MYH11: variants seen among roughly 807,000 people sequenced by gnomAD.
The protein encoded by MYH11 is myosin-11.
Under a neutral mutation model 246.6 loss-of-function variants are expected in MYH11, and 80 were observed. The ratio of observed to expected loss-of-function variants is 0.32; its 90% CI spans 0.27 to 0.39. MYH11 has a LOEUF of 0.39. MYH11 is among the 10% of genes least tolerant of loss of function. The probability of loss-of-function intolerance (pLI) is 1.00; values close to 1 mark genes in which losing one functional copy is unlikely to be tolerated. For synonymous variants in MYH11, 1,071 were observed against 1,015.5 expected (o/e 1.05, Z -1.04); for missense variants, 2,158 against 2,546.8 (o/e 0.85, Z 3.29).
Position 15,724,740 on chromosome 16 carries a change from C to T in MYH11, c.4023G>A (p.Leu1341=). ...KLNVSTKLRQ[L]EEERNSLQDQ... ...CTTGCAGGCTGTTCCGCTCCTCCTC[C>T]AGCTGGCGCAGCTTCGTAGACACGT... Residue 1341 remains leucine, a synonymous_variant, in exon 30 of 41, where the codon CTG becomes CTA. Coordinates refer to ENST00000300036, the MANE Select transcript of MYH11 (RefSeq NM_002474.3). 1 of 1,614,200 alleles carries T rather than the reference C, an allele frequency of 6.2e-7. No homozygotes were observed. The highest frequency in any genetic ancestry group is 8.5e-7 in the Non-Finnish European group (1 of 1,180,032).
chr16:15,755,343 C>T (rs1171785583), intron 14 of MYH11, among the ~76,000 whole-genome samples: 1 of 152,166 alleles, frequency 6.6e-6, no homozygotes, highest in East Asian at 1.9e-4. Context: ...ATAGATTTCC[C>T]TGGCCAGAGC....
At chr16:15,732,219 T>A (rs1222045370) in intron 27 of MYH11, among the ~76,000 whole-genome samples, 1 of 152,150 alleles carries the variant, frequency 6.6e-6, no homozygotes, top group Non-Finnish European at 1.5e-5. Context: ...CAGTTTGGCC[T>A]CCCAAAGTGC....
At chr16:15,805,643 G>T (rs1361978631) in intron 3 of MYH11, among the ~76,000 whole-genome samples, 2 of 152,234 alleles carry the variant, frequency 1.3e-5, no homozygotes, top group African/African-American at 4.8e-5. Flanking sequence ...CGGCGGCCAT[G>T]GCTCATGCCT....
chr16:15,740,319 A>C, intron 22 of MYH11, 131 bp from the exon 23 acceptor site: 1 of 1,420,590 alleles, frequency 7.0e-7, no homozygotes, highest in African/African-American at 1.4e-5. Context: ...AAAAGGAAGA[A>C]ATAAAGGCCT....
intron 9 of MYH11, among the ~76,000 whole-genome samples, chr16:15,765,553 C>A (rs1239870717): frequency 6.6e-6 from 1 of 152,120 alleles, no homozygotes; most frequent in Non-Finnish European, 1.5e-5. Context: ...TACAAATCAC[C>A]CAGAGTTCTG....
At chr16:15,731,926 C>G (rs1596747387) in intron 27 of MYH11, among the ~76,000 whole-genome samples, 1 of 151,700 alleles carries the variant, frequency 6.6e-6, no homozygotes, top group Non-Finnish European at 1.5e-5. Context: ...ATAGCTGGGA[C>G]CACAGGAATG....
Position 15,782,373 on chromosome 16 carries a change from T to C in MYH11, c.726+12A>G. ...AGCTTTTCTGGAAAATCCATGTGGCTTTGCTACTTACGAATCGTGAGGAGT... is the reference window on the plus strand; with the variant it reads ...AGCTTTTCTGGAAAATCCATGTGGCCTTGCTACTTACGAATCGTGAGGAGT... On this transcript the variant is annotated intron_variant, in intron 6 of 40. Coordinates refer to ENST00000300036, the MANE Select transcript of MYH11 (RefSeq NM_002474.3). 3 of 1,612,622 alleles carry C rather than the reference T, an allele frequency of 1.9e-6. No homozygotes were observed. The highest frequency in any genetic ancestry group is 2.5e-6 in the Non-Finnish European group (3 of 1,178,630).
intron 7 of MYH11, among the ~76,000 whole-genome samples, chr16:15,776,891 G>T (rs1569300): frequency 1.3e-5 from 2 of 151,990 alleles, no homozygotes; most frequent in African/African-American, 4.8e-5. Context: ...GGTGATGGGA[G>T]AGGGCAGCTG....
intron 40 of MYH11, among the ~76,000 whole-genome samples, chr16:15,710,835 G>T (rs192617328): frequency 6.6e-6 from 1 of 151,992 alleles, no homozygotes; most frequent in Non-Finnish European, 1.5e-5. Context: ...CTGCCACCAC[G>T]CCTAGCTGAT....
intron 1 of MYH11, 145 bp downstream of exon 1, chr16:15,856,796 A>G (rs1269578211): frequency 6.6e-6 from 1 of 152,114 alleles, no homozygotes; most frequent in Non-Finnish European, 1.5e-5. Flanking sequence ...GAGAGATCCA[A>G]ATCACAACTC....
chr16:15,807,820 G>A (rs971178620), intron 3 of MYH11, among the ~76,000 whole-genome samples: 4 of 152,174 alleles, frequency 2.6e-5, no homozygotes. Context: ...GGGCTTCAGC[G>A]GTTCCTCCCC....
chr16:15,817,465 C>T (rs983489728), intron 3 of MYH11, among the ~76,000 whole-genome samples: 1 of 152,054 alleles, frequency 6.6e-6, no homozygotes, highest in African/African-American at 2.4e-5. Context: ...GAGCTGAGAT[C>T]GTGCTGCTGC....
Position 15,786,664 on chromosome 16 carries a change from G to A in MYH11, c.599C>T (p.Ser200Phe). Residue 200 changes from serine (S) to phenylalanine (F), a missense_variant, in exon 5 of 41, where the codon TCC (serine) becomes TTC (phenylalanine). Physicochemically the swap from Ser to Phe is radical, Grantham distance 155. Transcript: ENST00000300036. ...KVIQYLAVVA[S>F]SHKGKKDTSI... ...TGTGTCTTTCTTGCCCTTGTGGGAG[G>A]AGGCCACCACGGCCAGGTACTGAAT... The A allele has an allele frequency of 6.2e-7, 1 of 1,614,164 alleles. No homozygotes were observed. The highest frequency in any genetic ancestry group is 8.5e-7 in the Non-Finnish European group (1 of 1,180,030).
At chr16:15,740,271 G>T (rs1427429183) in intron 22 of MYH11, 83 bp from the exon 23 acceptor site, 2 of 1,598,590 alleles carry the variant, frequency 1.3e-6, no homozygotes, top group African/African-American at 1.3e-5. Context: ...TGAATACAGG[G>T]GCTAGGCCTG....
At chr16:15,722,436 G>A (rs1035468690) in intron 31 of MYH11, among the ~76,000 whole-genome samples, 7 of 152,156 alleles carry the variant, frequency 4.6e-5, no homozygotes, top group Non-Finnish European at 7.3e-5. Context: ...ATTATAAATT[G>A]TAACATCCAA....
At chr16:15,817,009 C>T (rs1309919989) in intron 3 of MYH11, among the ~76,000 whole-genome samples, 6 of 152,076 alleles carry the variant, frequency 3.9e-5, no homozygotes, top group South Asian at 2.1e-4. Context: ...ATATGGAATG[C>T]TAGTATTTGT....
intron 37 of MYH11, chr16:15,717,803 G>A (rs1354726372): frequency 3.5e-5 from 9 of 259,094 alleles, no homozygotes; most frequent in Non-Finnish European, 4.5e-5. Context: ...CCAAAAAAAA[G>A]AGGTGCTTCC....
chr16:15,756,671 A>C (rs2041726133), intron 13 of MYH11, among the ~76,000 whole-genome samples, 157 bp from the exon 14 acceptor site: 2 of 152,160 alleles, frequency 1.3e-5, no homozygotes, highest in South Asian at 2.1e-4. Context: ...CATGCTTCCA[A>C]ATCTACCTTC....
chr16:15,830,134 C>A (rs1356290515), intron 2 of MYH11, among the ~76,000 whole-genome samples: 6 of 148,006 alleles, frequency 4.1e-5, no homozygotes, highest in African/African-American at 7.4e-5. Flanking sequence ...GACTTGGTCT[C>A]AAAAAAAAAA....
Sources: gnomAD v4.1 joint callset for allele counts (sites outside exome capture counted in the v4.1 genomes callset) on GRCh38, gnomAD v4.1.1 for gene constraint, MANE v1.5 for transcripts, NCBI Gene and HGNC (gene_info 2026-07-23, HGNC 2026-07-21) for gene names.